Variants in NRXN3 observed in about 807,000 individuals in gnomAD.
NRXN3 encodes the protein neurexin 3.
Under a neutral mutation model 137.6 loss-of-function variants are expected in NRXN3, and 32 were observed. The ratio of observed to expected loss-of-function variants is 0.23; its 90% CI spans 0.18 to 0.31. The LOEUF (loss-of-function observed/expected upper bound fraction) is 0.31. Among genes scored for constraint, NRXN3 ranks in the 10% least tolerant of loss-of-function variants. The pLI is 1.00. For missense variants in NRXN3, 1,574 were observed against 2,062.5 expected (o/e 0.76, Z 4.59); for synonymous variants, 798 against 784.5 (o/e 1.02, Z -0.29).
At chr14:79,387,852 A>G (rs2094688983) in intron 15 of NRXN3, among the ~76,000 whole-genome samples, 1 of 150,754 alleles carries the variant, frequency 6.6e-6, no homozygotes, top group African/African-American at 2.4e-5. Flanking sequence ...ACTCTCACAA[A>G]GACAAAAACC....
At chr14:79,155,582 G>A (rs1034809105) in intron 15 of NRXN3, among the ~76,000 whole-genome samples, 10 of 150,962 alleles carry the variant, frequency 6.6e-5, no homozygotes, top group East Asian at 2.0e-4. Context: ...ATGAAAAGTC[G>A]GTATTACTTC....
At chr14:78,387,997 T>C (rs2090221426) in intron 4 of NRXN3, among the ~76,000 whole-genome samples, 1 of 152,168 alleles carries the variant, frequency 6.6e-6, no homozygotes, top group Non-Finnish European at 1.5e-5. Flanking sequence ...AAGTGTAATT[T>C]ACTCTTAAAG....
intron 4 of NRXN3, among the ~76,000 whole-genome samples, chr14:78,383,911 C>T (rs1458296419): frequency 6.6e-6 from 1 of 152,132 alleles, no homozygotes; most frequent in Non-Finnish European, 1.5e-5. Context: ...GTAGCAGTAC[C>T]TTTTTCCCAA....
chr14:78,182,762 C>G (rs1363894468), intron 1 of NRXN3, among the ~76,000 whole-genome samples: 3 of 152,166 alleles, frequency 2.0e-5, no homozygotes, highest in African/African-American at 7.2e-5. Context: ...TGAGCCACTG[C>G]GCCTGGCCTA....
At chr14:79,699,822 A>C (rs112707289) in intron 19 of NRXN3, among the ~76,000 whole-genome samples, 9 of 151,906 alleles carry the variant, frequency 5.9e-5, no homozygotes, top group Non-Finnish European at 1.2e-4. Flanking sequence ...TTTTCCTTTT[A>C]CTTCCACCAA....
intron 19 of NRXN3, among the ~76,000 whole-genome samples, chr14:79,745,549 C>T (rs897657780): frequency 2.6e-5 from 4 of 152,112 alleles, no homozygotes; most frequent in Non-Finnish European, 4.4e-5. Flanking sequence ...GGAGAATCCA[C>T]GTCTCCTTCT....
intron 19 of NRXN3, among the ~76,000 whole-genome samples, chr14:79,703,185 T>G (rs993512583): frequency 1.3e-5 from 2 of 152,138 alleles, no homozygotes; most frequent in Non-Finnish European, 2.9e-5. Flanking sequence ...ACTTGGTGGT[T>G]GAATGTGAAC....
chr14:79,622,876 G>A (rs769170794), intron 16 of NRXN3, among the ~76,000 whole-genome samples: 39 of 152,126 alleles, frequency 2.6e-4, no homozygotes, highest in South Asian at 6.2e-4. Flanking sequence ...GATTACAGGC[G>A]TGAGCCACCG....
intron 15 of NRXN3, among the ~76,000 whole-genome samples, chr14:79,091,397 G>A (rs2152806063): frequency 6.6e-6 from 1 of 152,238 alleles, no homozygotes; most frequent in South Asian, 2.1e-4. Flanking sequence ...AATACAAGTA[G>A]TATTTTATTA....
At chr14:78,445,821 A>G (rs1192767818) in intron 4 of NRXN3, among the ~76,000 whole-genome samples, 2 of 152,234 alleles carry the variant, frequency 1.3e-5, no homozygotes. Context: ...TAGATACTAA[A>G]TATCATATTA....
At chr14:78,217,643 C>T (rs962332684) in intron 1 of NRXN3, among the ~76,000 whole-genome samples, 2 of 152,122 alleles carry the variant, frequency 1.3e-5, no homozygotes, top group African/African-American at 4.8e-5. Context: ...CATGAGTATT[C>T]TCTTAATGTA....
intron 4 of NRXN3, among the ~76,000 whole-genome samples, chr14:78,509,954 T>A (rs569630976): frequency 6.6e-6 from 1 of 152,022 alleles, no homozygotes; most frequent in Non-Finnish European, 1.5e-5. Flanking sequence ...CAGAACAGGA[T>A]GGCCTAAGAT....
At chr14:78,490,252 C>T (rs144146351) in intron 4 of NRXN3, among the ~76,000 whole-genome samples, 1 of 110,114 alleles carries the variant, frequency 9.1e-6, no homozygotes, top group African/African-American at 3.8e-5. Context: ...CCACCACACC[C>T]GGCCTGAGTT....
intron 20 of NRXN3, among the ~76,000 whole-genome samples, chr14:79,810,750 G>T (rs559937577): frequency 1.3e-5 from 2 of 152,130 alleles, no homozygotes; most frequent in East Asian, 3.9e-4. Context: ...TGAAAATCTG[G>T]CACTGAGTTA....
intron 15 of NRXN3, chr14:79,280,647 A>G (rs2081133003): frequency 8.9e-7 from 1 of 1,122,192 alleles, no homozygotes; most frequent in Non-Finnish European, 1.3e-6. Flanking sequence ...AAATGAATTT[A>G]AAATGATGAA....
At chr14:79,658,866 T>G (rs1296112849) in intron 16 of NRXN3, among the ~76,000 whole-genome samples, 1 of 152,186 alleles carries the variant, frequency 6.6e-6, no homozygotes, top group Non-Finnish European at 1.5e-5. Context: ...ATCCCAGTTC[T>G]GTTTCTCTCA....
chr14:79,409,934 C>T (rs922815710), intron 15 of NRXN3, among the ~76,000 whole-genome samples: 8 of 151,770 alleles, frequency 5.3e-5, no homozygotes, highest in Middle Eastern at 3.4e-3. Context: ...GAACTTCTCT[C>T]GTCCCACTCC....
At chr14:78,192,396 A>T (rs958671897) in intron 1 of NRXN3, among the ~76,000 whole-genome samples, 1 of 152,004 alleles carries the variant, frequency 6.6e-6, no homozygotes, top group African/African-American at 2.4e-5. Context: ...TGGATAGGAG[A>T]TACTGAACTC....
intron 10 of NRXN3, among the ~76,000 whole-genome samples, chr14:78,810,679 G>C (rs987722601): frequency 6.6e-6 from 1 of 152,198 alleles, no homozygotes; most frequent in Non-Finnish European, 1.5e-5. Flanking sequence ...AACTCTGAGA[G>C]TGAACAAAAA....
Sources: allele counts gnomAD v4.1 joint callset (sites outside exome capture counted in the v4.1 genomes callset), GRCh38; gene constraint gnomAD v4.1.1; transcripts MANE v1.5; gene names NCBI Gene and HGNC (gene_info 2026-07-23, HGNC 2026-07-21).